NTMT1: variants seen among roughly 807,000 people sequenced by gnomAD.
The protein encoded by NTMT1 is N-terminal Xaa-Pro-Lys N-methyltransferase 1, also known as N-terminal RCC1 methyltransferase.
NTMT1 carries 8 observed loss-of-function variants against 17.5 expected under a neutral mutation model. That is an observed-to-expected ratio of 0.46 (90% confidence interval 0.27 to 0.82). NTMT1 has a LOEUF of 0.82. Among genes scored for constraint, NTMT1 ranks in the 40% least tolerant of loss-of-function variants. The pLI is 0.15. For missense variants in NTMT1, 221 were observed against 303.5 expected, an observed-to-expected ratio of 0.73 and a Z score of 2.02; for synonymous variants, 128 against 126.8, an observed-to-expected ratio of 1.01 and a Z score of -0.06.
intron 1 of NTMT1, among the ~76,000 whole-genome samples, chr9:129,629,555 G>A (rs1334415235): frequency 2.0e-5 from 3 of 152,142 alleles, no homozygotes; most frequent in Non-Finnish European, 4.4e-5. Flanking sequence ...ACAGAGATGG[G>A]GTTTCTGAGC....
intron 1 of NTMT1, among the ~76,000 whole-genome samples, chr9:129,629,677 G>A (rs974065014): frequency 6.6e-6 from 1 of 152,156 alleles, no homozygotes; most frequent in Admixed American, 6.5e-5. Context: ...TAGAACTAAG[G>A]TCCTCCCCAG....
intron 1 of NTMT1, among the ~76,000 whole-genome samples, chr9:129,627,785 G>T (rs1254097053): frequency 6.6e-6 from 1 of 152,250 alleles, no homozygotes; most frequent in African/African-American, 2.4e-5. Flanking sequence ...GATCCAGGGA[G>T]GATGGACTCT....
chr9:129,627,504 C>T (rs1198834108), intron 1 of NTMT1, among the ~76,000 whole-genome samples: 1 of 152,208 alleles, frequency 6.6e-6, no homozygotes, highest in East Asian at 1.9e-4. Context: ...TTAAGCTTTT[C>T]ATATGCACTT....
Position 129,635,598 on chromosome 9 carries a change from C to T in NTMT1, c.*134C>T. On this transcript the variant is annotated 3_prime_UTR_variant, in exon 4 of 4. Coordinates refer to ENST00000372483, the MANE Select transcript of NTMT1 (RefSeq NM_014064.4). ...TAAATATAGCTGTCTGCCGTCCACT[C>T]ATTATGCGGGCTCTTCTTCAAAAGG... 2 of 1,111,424 alleles carry T rather than the reference C, an allele frequency of 1.8e-6. No individual in the cohort carries two copies. The highest frequency in any genetic ancestry group is 2.6e-6 in the Non-Finnish European group (2 of 778,804). The allele number at this position is 1,111,424 out of a possible 1,614,324, so 68.8% of individuals were successfully genotyped here.
intron 1 of NTMT1, among the ~76,000 whole-genome samples, chr9:129,630,987 T>C (rs1831132460): frequency 6.6e-6 from 1 of 152,194 alleles, no homozygotes; most frequent in South Asian, 2.1e-4. Flanking sequence ...CAGCATGCAC[T>C]CGAGGCCACC....
intron 1 of NTMT1, among the ~76,000 whole-genome samples, chr9:129,610,634 A>G (rs1013881108): frequency 6.6e-6 from 1 of 151,952 alleles, no homozygotes; most frequent in Admixed American, 6.5e-5. Context: ...CGAGGGGAAA[A>G]GTTTCCGACC....
rs1831450220 is a variant in NTMT1 at position 129,635,070 on chromosome 9, T to C, written c.416-138T>C. ...TGGGGTTTAGTAAATCTCTCGGGACTGAGAGCCAATGAGGCCATGTGTGCA... is the reference window on the plus strand; with the variant it reads ...TGGGGTTTAGTAAATCTCTCGGGACCGAGAGCCAATGAGGCCATGTGTGCA... On this transcript the variant is annotated intron_variant, in intron 3 of 3. Coordinates refer to ENST00000372483, the MANE Select transcript of NTMT1 (RefSeq NM_014064.4). 4.1e-6 allele frequency: 4 copies of C among 978,502 alleles called. No homozygotes were observed. In the South Asian group the frequency reaches 4.7e-5, roughly 12 times the overall value. The allele number at this position is 978,502 out of a possible 1,614,324, so 60.6% of individuals were successfully genotyped here.
intron 1 of NTMT1, among the ~76,000 whole-genome samples, chr9:129,631,904 G>GT (rs888291007): frequency 5.5e-4 from 83 of 152,236 alleles, no homozygotes; most frequent in African/African-American, 1.8e-3. Flanking sequence ...CTGTAGAATT[G>GT]TTTTCTGCCT....
At chr9:129,608,901 G>A (rs1015040134) in exon 1 of NTMT1, 1 of 152,658 alleles carries the variant, frequency 6.6e-6, no homozygotes, top group African/African-American at 2.4e-5. Context: ...GGTGCCCCAT[G>A]TGCGGCAGGA....
At chr9:129,615,718 A>C in intron 1 of NTMT1, 1 of 1,438,172 alleles carries the variant, frequency 7.0e-7, no homozygotes, top group Non-Finnish European at 9.1e-7. Flanking sequence ...CCAGCCCCAG[A>C]CTCGCTGTGA....
At chr9:129,622,039 T>C (rs572198949), upstream of NTMT1, among the ~76,000 whole-genome samples, 219 of 152,288 alleles carry the variant, frequency 1.4e-3, 4 homozygotes, top group Admixed American at 0.014. Flanking sequence ...GGTGGGGCTA[T>C]TGTGCCCTGG....
rs1830251502 is a variant in NTMT1, at chr9:129,614,462, G to A, written c.-55+5284G>A. ...GCACATAGTGGGTGCTCAATAAACA[G>A]CTAGAGGACATTGACTGTTGGGGAC... On this transcript the variant is annotated intron_variant, in intron 1 of 3. Transcript: ENST00000372486. This position sits in a 1 kb window ranked among gnomAD's most constrained non-coding sequence, Gnocchi z 4.4. Among the ~76,000 whole-genome samples the A allele has an allele frequency of 6.6e-6, 1 of 152,226 alleles. No individual in the cohort carries two copies.
intron 1 of NTMT1, among the ~76,000 whole-genome samples, chr9:129,617,206 A>G (rs1005822159): frequency 4.6e-5 from 7 of 152,298 alleles, no homozygotes; most frequent in African/African-American, 1.7e-4. Context: ...CATTCATCTG[A>G]CCACATCTGT....
chr9:129,619,367 A>G (rs1417647240), intron 1 of NTMT1, among the ~76,000 whole-genome samples: 1 of 152,172 alleles, frequency 6.6e-6, no homozygotes, highest in African/African-American at 2.4e-5. Context: ...ATGGGTTGGT[A>G]GAAGATCTGA....
chr9:129,611,764 G>GT (rs1185588229), intron 1 of NTMT1, among the ~76,000 whole-genome samples: 1 of 151,958 alleles, frequency 6.6e-6, no homozygotes. Context: ...TTGTTTGCTT[G>GT]TTTTTTGAGA....
At chr9:129,610,250 G>A (rs1487967803) in intron 1 of NTMT1, among the ~76,000 whole-genome samples, 1 of 113,340 alleles carries the variant, frequency 8.8e-6, no homozygotes, top group Non-Finnish European at 1.8e-5. Flanking sequence ...GGAAAGGGGG[G>A]AAGGGGAGGG....
At chr9:129,615,741 GTGCCCTACAC>G (rs2118866992) in intron 1 of NTMT1, 1 of 1,357,854 alleles carries the variant, frequency 7.4e-7, no homozygotes, top group Admixed American at 2.7e-5. Context: ...TCCTGGACAA[GTGCCCTACAC>G]TGGTCTTGAA....
intron 3 of NTMT1, 100 bp from the exon 4 acceptor site, chr9:129,635,108 G>C: frequency 2.1e-6 from 3 of 1,400,672 alleles, no homozygotes; most frequent in South Asian, 2.6e-5. Context: ...CAAAATGCTG[G>C]GCACAAATGA....
chr9:129,633,058 A>G, intron 2 of NTMT1, 193 bp downstream of exon 2: 2 of 574,986 alleles, frequency 3.5e-6, no homozygotes, highest in Non-Finnish European at 6.1e-6. Context: ...ACTTAGCCTC[A>G]GGGTTACCAG....
Sources: gnomAD v4.1 joint callset for allele counts (sites outside exome capture counted in the v4.1 genomes callset) on GRCh38, gnomAD v4.1.1 for gene constraint, Gnocchi (gnomAD v3.1) non-coding constraint, MANE v1.5 for transcripts, NCBI Gene and HGNC (gene_info 2026-07-23, HGNC 2026-07-21) for gene names.